IL1RAPL1: variants seen among roughly 807,000 people sequenced by gnomAD.
The protein encoded by IL1RAPL1 is interleukin 1 receptor accessory protein like 1, also known as interleukin-1 receptor accessory protein-like 1.
IL1RAPL1 carries 3 observed loss-of-function variants against 48.4 expected under a neutral mutation model. The observed-to-expected ratio is 0.06, with a 90% CI of 0.03 to 0.16. The LOEUF is 0.16. Ranked by LOEUF, IL1RAPL1 falls within the 10% of genes least tolerant of loss-of-function variation. The pLI, the probability that IL1RAPL1 is intolerant of heterozygous loss-of-function variation, is 1.00. For missense variants in IL1RAPL1, 349 were observed against 530.6 expected (o/e 0.66, Z 3.36); for synonymous variants, 185 against 187.7 (o/e 0.99, Z 0.12).
intron 3 of IL1RAPL1, among the ~76,000 whole-genome samples, chrX:29,323,032 C>T (rs1316652283): frequency 1.8e-5 from 2 of 112,110 alleles, no homozygotes; most frequent in Non-Finnish European, 3.8e-5. Context: ...TAAATGTATT[C>T]ATGATCACAG....
chrX:29,281,047 A>T (rs1325078703), intron 2 of IL1RAPL1, among the ~76,000 whole-genome samples: 1 of 111,694 alleles, frequency 9.0e-6, no homozygotes, highest in Non-Finnish European at 1.9e-5. Context: ...TGGATAATTA[A>T]TTCCACGTTA....
At chrX:29,203,722 AATAT>A (rs56950481) in intron 2 of IL1RAPL1, among the ~76,000 whole-genome samples, 4,851 of 78,168 alleles carry the variant, frequency 0.062, 229 homozygotes, top group East Asian at 0.23. Context: ...TCCGTCTCAA[AATAT>A]ATATATATAT....
chrX:29,321,079 T>A (rs1025483953), intron 3 of IL1RAPL1, among the ~76,000 whole-genome samples: 6 of 111,841 alleles, frequency 5.4e-5, no homozygotes, highest in Non-Finnish European at 1.1e-4. Context: ...AACAAGTTTC[T>A]AAGTTTTCCA....
At chrX:29,599,388 C>T (rs1167828299) in intron 5 of IL1RAPL1, among the ~76,000 whole-genome samples, 4 of 112,195 alleles carry the variant, frequency 3.6e-5, no homozygotes, top group African/African-American at 1.3e-4. Flanking sequence ...AAGAAATCTG[C>T]TGTTAATCTA....
intron 3 of IL1RAPL1, among the ~76,000 whole-genome samples, chrX:29,387,920 G>A (rs1933801033): frequency 9.2e-6 from 1 of 108,224 alleles, no homozygotes; most frequent in Non-Finnish European, 1.9e-5. Context: ...TTGAACGTAG[G>A]AGGTGAAGTT....
intron 1 of IL1RAPL1, among the ~76,000 whole-genome samples, chrX:28,781,469 C>G (rs113961420): frequency 0.01 from 1,133 of 109,747 alleles, 19 homozygotes; most frequent in African/African-American, 0.035. Context: ...CCTTTTCTAT[C>G]TCTAACCTCT....
At chrX:29,260,220 A>G (rs1931828455) in intron 2 of IL1RAPL1, among the ~76,000 whole-genome samples, 1 of 112,735 alleles carries the variant, frequency 8.9e-6, no homozygotes, top group South Asian at 3.6e-4. Flanking sequence ...GCTAAAGCCG[A>G]CATAAGGTTT....
At chrX:29,421,993 C>T (rs893545412) in intron 5 of IL1RAPL1, among the ~76,000 whole-genome samples, 3 of 111,760 alleles carry the variant, frequency 2.7e-5, no homozygotes, top group African/African-American at 9.8e-5. Flanking sequence ...CATTTATTAA[C>T]GTGTGCATGA....
At chrX:28,821,008 C>T (rs979106455) in intron 2 of IL1RAPL1, among the ~76,000 whole-genome samples, 1 of 111,499 alleles carries the variant, frequency 9.0e-6, no homozygotes, top group South Asian at 3.7e-4. Context: ...TGACAATAGG[C>T]AACATATAAA....
chrX:29,249,421 A>G lies in IL1RAPL1; in HGVS notation c.83-33517A>G, dbSNP rs778437221. On this transcript the variant is annotated intron_variant, in intron 2 of 10. Coordinates refer to ENST00000378993, the MANE Select transcript of IL1RAPL1 (RefSeq NM_014271.4). ...AAAAATTTTTCACAGATATTTTGAC[A>G]TCAAACTGAGATCATTTGATAGTTT... Among the ~76,000 whole-genome samples the G allele has an allele frequency of 1.2e-3, 138 of 111,660 alleles. 2 individuals carry two copies. The highest frequency in any genetic ancestry group is 4.4e-3 in the African/African-American group (135 of 30,762).
chrX:29,893,288 T>C (rs1382476744), intron 6 of IL1RAPL1, among the ~76,000 whole-genome samples: 1 of 111,585 alleles, frequency 9.0e-6, no homozygotes, highest in Non-Finnish European at 1.9e-5. Context: ...AAGGAGATAA[T>C]AAAAGATAGG....
At chrX:29,916,255 G>A (rs1227446835) in intron 6 of IL1RAPL1, among the ~76,000 whole-genome samples, 1 of 109,512 alleles carries the variant, frequency 9.1e-6, no homozygotes. Context: ...AGTCATTTGG[G>A]TATATACCCA....
chrX:29,302,726 A>C (rs1932556246), intron 3 of IL1RAPL1, among the ~76,000 whole-genome samples: 1 of 111,284 alleles, frequency 9.0e-6, no homozygotes, highest in Non-Finnish European at 1.9e-5. Flanking sequence ...TGGGGCGGTC[A>C]TTTAGCAGCA....
chrX:29,532,765 G>T lies in IL1RAPL1; in HGVS notation c.703+133457G>T, dbSNP rs138838973. ...AGAGGCAGATACCAGTGCCCATGAT[G>T]GCCTTTCAGGTTTACTTTTTAAACT... On this transcript the variant is annotated intron_variant, in intron 5 of 10. Coordinates refer to ENST00000378993, the MANE Select transcript of IL1RAPL1 (RefSeq NM_014271.4). Among the ~76,000 whole-genome samples, 22 of 111,880 alleles carry T rather than the reference G, an allele frequency of 2.0e-4. 1 individual carries two copies. Among genetic ancestry groups the T allele is most frequent in the Non-Finnish European group, 5.6e-5 (3 of 53,192 alleles).
At position 29,219,635 on chromosome X, in the gene IL1RAPL1, A is replaced by G. The variant is rs1168416161; in HGVS notation, c.83-63303A>G. Among the ~76,000 whole-genome samples the G allele has an allele frequency of 3.6e-5, 4 of 111,490 alleles. No homozygotes were observed. The East Asian group carries it at 1.1e-3, about 31-fold the overall frequency. Reference sequence around the variant, plus strand: ...GCCACTTCCAGTTTGACCTTCCTCCAAATATTTCCTCCAAATTGCTGCTGG... The same window carrying G: ...GCCACTTCCAGTTTGACCTTCCTCCGAATATTTCCTCCAAATTGCTGCTGG... On this transcript the variant is annotated intron_variant, in intron 2 of 10. Transcript: ENST00000378993.
intron 8 of IL1RAPL1, among the ~76,000 whole-genome samples, chrX:29,921,076 A>G (rs943377587): frequency 6.2e-5 from 7 of 112,039 alleles, no homozygotes; most frequent in African/African-American, 2.3e-4. Context: ...CTCTGCCTCT[A>G]CAGCACCCCA....
At chrX:29,236,206 A>G (rs1931290372) in intron 2 of IL1RAPL1, among the ~76,000 whole-genome samples, 2 of 112,618 alleles carry the variant, frequency 1.8e-5, no homozygotes, top group African/African-American at 6.5e-5. Context: ...AAATAAAATT[A>G]TATTTGTCCC....
intron 2 of IL1RAPL1, among the ~76,000 whole-genome samples, chrX:28,870,013 C>T (rs968137334): frequency 1.2e-4 from 13 of 111,587 alleles, no homozygotes; most frequent in African/African-American, 3.9e-4. Context: ...CAAGATTCAT[C>T]CGTGGTATAG....
At chrX:29,729,711 T>A (rs184299641) in intron 6 of IL1RAPL1, among the ~76,000 whole-genome samples, 2,779 of 111,022 alleles carry the variant, frequency 0.025, 91 homozygotes, top group African/African-American at 0.087. Context: ...TCCTTTTTTT[T>A]AAACATTTGC....
Sources: allele counts gnomAD v4.1 joint callset (sites outside exome capture counted in the v4.1 genomes callset), GRCh38; gene constraint gnomAD v4.1.1; transcripts MANE v1.5; gene names NCBI Gene and HGNC (gene_info 2026-07-23, HGNC 2026-07-21).